Variants in PPP1R8 observed in about 807,000 individuals in gnomAD.
The protein encoded by PPP1R8 is nuclear inhibitor of protein phosphatase 1.
In PPP1R8, 4 loss-of-function variants were observed where a neutral mutation model predicts 31.3. That is an observed-to-expected ratio of 0.13 (90% confidence interval 0.06 to 0.29). The LOEUF (loss-of-function observed/expected upper bound fraction) is 0.29, where lower values mean the gene tolerates loss of function less well. Among genes scored for constraint, PPP1R8 ranks in the 10% least tolerant of loss-of-function variants. The pLI is 1.00. For synonymous variants in PPP1R8, 170 were observed against 169.7 expected, an observed-to-expected ratio of 1.00 and a Z score of -0.01; for missense variants, 254 against 440.1, an observed-to-expected ratio of 0.58 and a Z score of 3.78.
intron 5 of PPP1R8, among the ~76,000 whole-genome samples, chr1:27,844,948 T>C (rs2089260468): frequency 1.6e-5 from 2 of 122,646 alleles, no homozygotes; most frequent in Non-Finnish European, 3.3e-5. Context: ...TTAGGCAGGA[T>C]GGTCTCGATC....
chr1:27,839,186 G>T (rs3766395), intron 3 of PPP1R8, among the ~76,000 whole-genome samples: 7,893 of 152,150 alleles, frequency 0.052, 416 homozygotes, highest in East Asian at 0.25. Context: ...TCACACCACT[G>T]CACTCCAGTC....
At chr1:27,831,177 CCCGAACTTACGCCCAACT>C in intron 1 of PPP1R8, 1 of 1,198,544 alleles carries the variant, frequency 8.3e-7, no homozygotes, top group Non-Finnish European at 1.0e-6. Flanking sequence ...GAGGCCTTGG[CCCGAACTTACGCCCAACT>C]CTTGACTGAG....
chr1:27,830,784 T>C lies in PPP1R8; in HGVS notation c.-52T>C. ...GATGCCGCTTTTCCCTTCTCGGTCT[T>C]CCAGTTTCCCGGCGTGCTTAGGGCG... On this transcript the variant is annotated 5_prime_UTR_variant, in exon 1 of 7. Transcript: ENST00000311772. 3.9e-6 allele frequency: 6 copies of C among 1,554,072 alleles called. No individual in the cohort carries two copies. The highest frequency in any genetic ancestry group is 4.3e-6 in the Non-Finnish European group (5 of 1,149,550).
chr1:27,841,416 G>A (rs2089221586), intron 4 of PPP1R8, among the ~76,000 whole-genome samples, 182 bp downstream of exon 4: 1 of 152,118 alleles, frequency 6.6e-6, no homozygotes. Flanking sequence ...CACATTGTAT[G>A]GATTTGGTTG....
chr1:27,848,439 G>A (rs1363993796), intron 6 of PPP1R8, among the ~76,000 whole-genome samples: 2 of 152,128 alleles, frequency 1.3e-5, no homozygotes, highest in Non-Finnish European at 2.9e-5. Flanking sequence ...CCAAGGGGTA[G>A]AAGTTACAGA....
At position 27,830,800 on chromosome 1, in the gene PPP1R8, G is replaced by T; in HGVS notation, c.-36G>T. The T allele has an allele frequency of 1.9e-6, 3 of 1,562,226 alleles. No individual in the cohort carries two copies. Among genetic ancestry groups the T allele is most frequent in the Non-Finnish European group, 2.6e-6 (3 of 1,154,162 alleles). ...TCTCGGTCTTCCAGTTTCCCGGCGT[G>T]CTTAGGGCGCGCCAAATGGGAGGGG... On this transcript the variant is annotated 5_prime_UTR_variant, in exon 1 of 7. Transcript: ENST00000311772.
intron 6 of PPP1R8, among the ~76,000 whole-genome samples, chr1:27,848,847 T>C (rs2089311264): frequency 6.6e-6 from 1 of 152,222 alleles, no homozygotes; most frequent in Non-Finnish European, 1.5e-5. Context: ...AGGTGTATAG[T>C]TTTATGTCAA....
chr1:27,847,222 C>T (rs1571556557), intron 6 of PPP1R8, 130 bp downstream of exon 6: 12 of 867,158 alleles, frequency 1.4e-5, no homozygotes, highest in Middle Eastern at 2.8e-4. Context: ...GTCAAGAAAT[C>T]GAGGCCAGGC....
chr1:27,837,655 A>T (rs1287084511), intron 2 of PPP1R8, among the ~76,000 whole-genome samples: 1 of 147,840 alleles, frequency 6.8e-6, no homozygotes, highest in Non-Finnish European at 1.5e-5. Context: ...GGCGCCTGTA[A>T]TCCCAGCTAT....
chr1:27,839,234 C>T (rs1204377824), intron 3 of PPP1R8, among the ~76,000 whole-genome samples: 2 of 152,036 alleles, frequency 1.3e-5, no homozygotes, highest in African/African-American at 2.4e-5. Context: ...TAAAAACAAA[C>T]AACCAAAAAA....
chr1:27,844,580 A>G (rs1256006576), intron 5 of PPP1R8, among the ~76,000 whole-genome samples: 1 of 151,206 alleles, frequency 6.6e-6, no homozygotes, highest in Non-Finnish European at 1.5e-5. Context: ...TCTGCCCTCA[A>G]CCTCCCAAAG....
intron 1 of PPP1R8, 175 bp downstream of exon 1, chr1:27,831,066 T>C: frequency 7.2e-7 from 1 of 1,386,008 alleles, no homozygotes; most frequent in Non-Finnish European, 9.3e-7. Context: ...ACCGAGAGCC[T>C]GGAGCCCAGG....
At chr1:27,843,134 T>G (rs1169488326) in intron 4 of PPP1R8, 52 bp from the exon 5 acceptor site, 2 of 1,603,204 alleles carry the variant, frequency 1.2e-6, no homozygotes, top group Non-Finnish European at 1.7e-6. Context: ...ATTTTCTCCA[T>G]CAGATTCCCT....
chr1:27,851,555 C>G lies in PPP1R8; in HGVS notation c.*1109C>G, dbSNP rs1245782062. ...TTGGGTGCAGGCTGTGAATTTGTCT[C>G]TCAGTCACTGATTGCCACTGCCATC... On this transcript the variant is annotated 3_prime_UTR_variant, in exon 7 of 7. Transcript: ENST00000311772. 7.9e-6 allele frequency: 4 copies of G among 507,030 alleles called. No individual in the cohort carries two copies. The highest frequency in any genetic ancestry group is 6.0e-5 in the Admixed American group (3 of 49,978). The allele number at this position is 507,030 out of a possible 1,614,324, so 31.4% of individuals were successfully genotyped here.
chr1:27,850,697 C>A lies in PPP1R8; in HGVS notation c.*251C>A, dbSNP rs2089335969. 2 of 407,538 alleles carry A rather than the reference C, an allele frequency of 4.9e-6. No homozygotes were observed. The highest frequency in any genetic ancestry group is 8.8e-6 in the Non-Finnish European group (2 of 227,484). 25.2% of individuals were successfully genotyped at this position (407,538 alleles called of 1,614,324 possible). ...TTTCAATAGACTGCCCTGGCTCTTT[C>A]CTAGGCCTTCCACTACCTCCTTTCT... On this transcript the variant is annotated 3_prime_UTR_variant, in exon 7 of 7. Coordinates refer to ENST00000311772, the MANE Select transcript of PPP1R8 (RefSeq NM_014110.5).
At chr1:27,847,558 CT>C (rs1249496662) in intron 6 of PPP1R8, among the ~76,000 whole-genome samples, 6 of 151,442 alleles carry the variant, frequency 4.0e-5, no homozygotes, top group Admixed American at 2.6e-4. Flanking sequence ...TGTTGAAACC[CT>C]GTCTCTACTA....
At chr1:27,842,615 AAGTT>A (rs2089234353) in intron 4 of PPP1R8, among the ~76,000 whole-genome samples, 1 of 152,222 alleles carries the variant, frequency 6.6e-6, no homozygotes, top group Admixed American at 6.5e-5. Context: ...AGCTAAGGCC[AAGTT>A]AATTATTGAG....
At position 27,850,724 on chromosome 1, in the gene PPP1R8, T is replaced by A. The variant is rs1487376498; in HGVS notation, c.*278T>A. 1 of 331,066 alleles carries A rather than the reference T, an allele frequency of 3.0e-6. No individual in the cohort carries two copies. The highest frequency in any genetic ancestry group is 2.1e-5 in the African/African-American group (1 of 48,160). The allele number at this position is 331,066 out of a possible 1,614,324, so 20.5% of individuals were successfully genotyped here. A position where few individuals can be genotyped will look rare whatever the true frequency, so the allele number is the denominator to read the frequency against. On this transcript the variant is annotated 3_prime_UTR_variant, in exon 7 of 7. Coordinates refer to ENST00000311772, the MANE Select transcript of PPP1R8 (RefSeq NM_014110.5). ...TAGGCCTTCCACTACCTCCTTTCTT[T>A]CTCCCACTTTCTAGGATCATTTTTA...
chr1:27,839,210 A>C (rs1438811273), intron 3 of PPP1R8, among the ~76,000 whole-genome samples: 3 of 152,154 alleles, frequency 2.0e-5, no homozygotes, highest in Non-Finnish European at 2.9e-5. Flanking sequence ...GTGACAGAAC[A>C]AGACCCCATC....
Sources: gnomAD v4.1 joint callset for allele counts (sites outside exome capture counted in the v4.1 genomes callset) on GRCh38, gnomAD v4.1.1 for gene constraint, MANE v1.5 for transcripts, NCBI Gene and HGNC (gene_info 2026-07-23, HGNC 2026-07-21) for gene names.